UBE3B: variants seen among roughly 807,000 people sequenced by gnomAD.
UBE3B encodes ubiquitin-protein ligase E3B.
In UBE3B, 80 loss-of-function variants were observed where a neutral mutation model predicts 132.3. The ratio of observed to expected loss-of-function variants is 0.60; its 90% CI spans 0.50 to 0.73. UBE3B has a LOEUF of 0.73. UBE3B is among the 30% of genes least tolerant of loss of function. The pLI is 0.00. For synonymous variants in UBE3B, 487 were observed against 520.4 expected, an observed-to-expected ratio of 0.94 and a Z score of 0.87; for missense variants, 1,196 against 1,362.5, an observed-to-expected ratio of 0.88 and a Z score of 1.92.
intron 6 of UBE3B, among the ~76,000 whole-genome samples, chr12:109,487,833 CCT>C (rs889716714): frequency 3.3e-5 from 5 of 152,182 alleles, no homozygotes; most frequent in African/African-American, 1.2e-4. Flanking sequence ...AGCTGCTTCC[CCT>C]CTCTTACTGT....
intron 26 of UBE3B, among the ~76,000 whole-genome samples, chr12:109,531,168 A>G (rs1882901311): frequency 6.6e-6 from 1 of 152,212 alleles, no homozygotes; most frequent in African/African-American, 2.4e-5. Context: ...CAGTGTCCCA[A>G]TAAAACACAC....
Position 109,488,686 on chromosome 12 carries a change from CA to C in UBE3B, c.544+22del. The C allele has an allele frequency of 1.2e-6, 2 of 1,607,980 alleles. No homozygotes were observed. The highest frequency in any genetic ancestry group is 1.7e-6 in the Non-Finnish European group (2 of 1,174,440). ...GGGAAAAGGTCTGTGGGACTTGCTTCAAAATGTTCTCTAACCAACATTTCCA... is the reference window on the plus strand; with the variant it reads ...GGGAAAAGGTCTGTGGGACTTGCTTCAAATGTTCTCTAACCAACATTTCCA... On this transcript the variant is annotated intron_variant, in intron 7 of 27. Coordinates refer to ENST00000342494, the MANE Select transcript of UBE3B (RefSeq NM_130466.4).
At chr12:109,539,900 T>C (rs1203251783), downstream of UBE3B, among the ~76,000 whole-genome samples, 2 of 151,892 alleles carry the variant, frequency 1.3e-5, no homozygotes, top group African/African-American at 2.4e-5. Flanking sequence ...TCCATCATGC[T>C]TTTCTTACCG....
chr12:109,479,112 T>C (rs1461678096), intron 1 of UBE3B, among the ~76,000 whole-genome samples: 1 of 152,258 alleles, frequency 6.6e-6, no homozygotes, highest in African/African-American at 2.4e-5. Context: ...CTCTCCTTAT[T>C]AGATGAGATC....
At chr12:109,507,221 C>T (rs914624243) in intron 14 of UBE3B, among the ~76,000 whole-genome samples, 1 of 152,238 alleles carries the variant, frequency 6.6e-6, no homozygotes, top group East Asian at 1.9e-4. Flanking sequence ...CTGGCTCTGA[C>T]ATACAGGCTG....
At chr12:109,517,884 A>C in intron 19 of UBE3B, 1 of 423,902 alleles carries the variant, frequency 2.4e-6, no homozygotes, top group South Asian at 1.7e-5. Flanking sequence ...CCCTCGGTGC[A>C]TCGTACCTTG....
chr12:109,533,410 C>T (rs4766608), intron 26 of UBE3B, 56 bp from the exon 27 acceptor site: 252,794 of 1,479,564 alleles, frequency 0.17, 22,232 homozygotes, highest in Middle Eastern at 0.19. Flanking sequence ...TGCAAGGGCC[C>T]GTCCTGGAAG....
chr12:109,523,898 T>TCTGCACCCTGAGCCACCC, intron 21 of UBE3B, 80 bp from the exon 22 acceptor site: 2 of 1,586,436 alleles, frequency 1.3e-6, no homozygotes, highest in Non-Finnish European at 1.7e-6. Flanking sequence ...CTGGGCCATG[T>TCTGCACCCTGAGCCACCC]CTGCACCCTG....
intron 21 of UBE3B, 48 bp from the exon 22 acceptor site, chr12:109,523,930 G>T: frequency 6.2e-7 from 1 of 1,609,676 alleles, no homozygotes; most frequent in East Asian, 2.2e-5. Flanking sequence ...TCCAAACACT[G>T]CATCAGAATC....
chr12:109,502,765 C>T (rs1879157730), intron 13 of UBE3B, among the ~76,000 whole-genome samples: 1 of 152,142 alleles, frequency 6.6e-6, no homozygotes, highest in South Asian at 2.1e-4. Context: ...GTATAAGAAT[C>T]CCATGTAAGA....
intron 1 of UBE3B, among the ~76,000 whole-genome samples, chr12:109,480,239 G>A (rs1302735097): frequency 6.6e-6 from 1 of 150,498 alleles, no homozygotes; most frequent in Non-Finnish European, 1.5e-5. Context: ...ACACCAGTTA[G>A]ACTTCCTGAC....
At chr12:109,486,423 T>TA (rs768101373) in intron 5 of UBE3B, 48 bp from the exon 6 acceptor site, 4 of 1,440,680 alleles carry the variant, frequency 2.8e-6, no homozygotes, top group Middle Eastern at 1.8e-4. Context: ...GCACAAGTGA[T>TA]ATGATCTCTA....
intron 14 of UBE3B, among the ~76,000 whole-genome samples, chr12:109,506,652 C>T (rs1488042975): frequency 6.6e-6 from 1 of 152,214 alleles, no homozygotes; most frequent in East Asian, 1.9e-4. Context: ...CACCGGGCTG[C>T]CAAATCTGTT....
intron 2 of UBE3B, among the ~76,000 whole-genome samples, 171 bp downstream of exon 2, chr12:109,481,913 C>G (rs1357378448): frequency 5.3e-5 from 8 of 152,132 alleles, no homozygotes; most frequent in Non-Finnish European, 1.2e-4. Flanking sequence ...TACCTTCCCT[C>G]CTGTGGTCAA....
At chr12:109,511,726 C>T (rs372150461) in intron 18 of UBE3B, among the ~76,000 whole-genome samples, 10 of 152,244 alleles carry the variant, frequency 6.6e-5, no homozygotes, top group East Asian at 5.8e-4. Context: ...GCAAGACAGC[C>T]TTAGAAACCA....
intron 15 of UBE3B, 37 bp from the exon 16 acceptor site, chr12:109,509,559 C>T (rs1041702219): frequency 1.4e-6 from 2 of 1,424,878 alleles, no homozygotes; most frequent in African/African-American, 1.5e-5. Context: ...CGCCTTTTTT[C>T]AGTGTGGAAT....
intron 26 of UBE3B, among the ~76,000 whole-genome samples, 161 bp from the exon 27 acceptor site, chr12:109,533,305 C>T (rs564964589): frequency 6.6e-6 from 1 of 152,200 alleles, no homozygotes; most frequent in African/African-American, 2.4e-5. Context: ...CGGCGTGTGC[C>T]AGTTTTGGGG....
chr12:109,516,189 T>TTTTTTTTA, intron 18 of UBE3B, among the ~76,000 whole-genome samples: 1 of 120,636 alleles, frequency 8.3e-6, no homozygotes, highest in Non-Finnish European at 1.7e-5. Flanking sequence ...TTTTTTTTTT[T>TTTTTTTTA]GAGACAGAGT....
In UBE3B at chr12:109,522,617, C is replaced by T. The variant is rs1378521316; in HGVS notation, c.2364+1066C>T. Among the ~76,000 whole-genome samples the T allele has an allele frequency of 6.6e-6, 1 of 152,222 alleles. No homozygotes were observed. Among genetic ancestry groups the T allele is most frequent in the Non-Finnish European group, 1.5e-5 (1 of 68,040 alleles). On this transcript the variant is annotated intron_variant, in intron 21 of 27. Coordinates refer to ENST00000342494, the MANE Select transcript of UBE3B (RefSeq NM_130466.4). This position sits in a 1 kb window ranked among gnomAD's most constrained non-coding sequence, Gnocchi z 4.2. ...CTTTCCAAACAGAAAGAGCCAGCAGCTGGGCCAAGCTGAGAGGGAGGTCTC... is the reference window on the plus strand; with the variant it reads ...CTTTCCAAACAGAAAGAGCCAGCAGTTGGGCCAAGCTGAGAGGGAGGTCTC...
Sources: allele counts gnomAD v4.1 joint callset (sites outside exome capture counted in the v4.1 genomes callset), GRCh38; gene constraint gnomAD v4.1.1; non-coding constraint Gnocchi (gnomAD v3.1); transcripts MANE v1.5; gene names NCBI Gene and HGNC (gene_info 2026-07-23, HGNC 2026-07-21).